The following LTBP1 variants were observed in gnomAD, a reference collection of about 807,000 sequenced individuals.
LTBP1 encodes latent-transforming growth factor beta-binding protein 1.
Under a neutral mutation model 207.6 loss-of-function variants are expected in LTBP1, and 129 were observed. The ratio of observed to expected loss-of-function variants is 0.62; its 90% CI spans 0.54 to 0.72. The LOEUF is 0.72. LTBP1 is among the 30% of genes least tolerant of loss of function. The probability of loss-of-function intolerance (pLI) is 0.00; values close to 1 mark genes in which losing one functional copy is unlikely to be tolerated. For synonymous variants in LTBP1, 963 were observed against 833.7 expected (o/e 1.16, Z -2.67); for missense variants, 2,281 against 2,217.2 (o/e 1.03, Z -0.58).
chr2:33,101,247 CA>C (rs1225776336), intron 3 of LTBP1, among the ~76,000 whole-genome samples: 2 of 151,764 alleles, frequency 1.3e-5, no homozygotes, highest in African/African-American at 2.4e-5. Flanking sequence ...CAAATAACTT[CA>C]AAAAAAATTT....
chr2:33,178,488 T>G (rs57408328), intron 5 of LTBP1, among the ~76,000 whole-genome samples: 12,134 of 152,190 alleles, frequency 0.08, 1,053 homozygotes, highest in African/African-American at 0.22. Flanking sequence ...ACAGAACATG[T>G]TATTGAAGCA....
intron 7 of LTBP1, among the ~76,000 whole-genome samples, chr2:33,210,940 C>G (rs1187731500): frequency 6.6e-6 from 1 of 152,176 alleles, no homozygotes; most frequent in Non-Finnish European, 1.5e-5. Context: ...CATGTTTTCC[C>G]TCAGTGCAGT....
intron 20 of LTBP1, among the ~76,000 whole-genome samples, chr2:33,295,197 TTTTA>T (rs760605954): frequency 4.1e-4 from 62 of 152,262 alleles, no homozygotes; most frequent in South Asian, 6.2e-4. Flanking sequence ...TTATCCGGCT[TTTTA>T]TTTGTTTAAT....
rs116779672 is a variant in LTBP1 at position 32,954,559 on chromosome 2, C to A, written c.565+5614C>A. Among the ~76,000 whole-genome samples, 1,044 of 145,938 alleles carry A rather than the reference C, an allele frequency of 7.2e-3. 14 individuals carry two copies. The highest frequency in any genetic ancestry group is 0.024 in the African/African-American group (954 of 39,802). ...GGCCTCCACTCCCCGCCCCCCCCCA[C>A]CAATGATCCCATTTTACCTTGATTA... is the stretch of plus-strand genomic sequence containing the variant. On this transcript the variant is annotated intron_variant, in intron 2 of 33. Coordinates refer to ENST00000404816, the MANE Select transcript of LTBP1 (RefSeq NM_206943.4).
chr2:33,388,682 T>C (rs778443551), intron 31 of LTBP1, among the ~76,000 whole-genome samples: 1 of 152,218 alleles, frequency 6.6e-6, no homozygotes, highest in Non-Finnish European at 1.5e-5. Context: ...TGTAGAGTTA[T>C]AATCGTGACT....
intron 5 of LTBP1, among the ~76,000 whole-genome samples, chr2:33,180,312 A>C (rs914900416): frequency 4.6e-5 from 7 of 152,180 alleles, no homozygotes; most frequent in Non-Finnish European, 2.9e-5. Flanking sequence ...CATGTGTAGG[A>C]CTAGGCCTTC....
Position 33,001,875 on chromosome 2 carries a change from G to A in LTBP1, c.566-19034G>A, listed in dbSNP as rs1686096212. Among the ~76,000 whole-genome samples the A allele has an allele frequency of 1.5e-5, 2 of 135,066 alleles. 1 individual carries two copies. Among genetic ancestry groups the A allele is most frequent in the South Asian group, 5.2e-4 (2 of 3,864 alleles). 88.6% of individuals were successfully genotyped at this position (135,066 alleles called of 152,430 possible). A position where few individuals can be genotyped will look rare whatever the true frequency, so the allele number is the denominator to read the frequency against. ...TTGTCTTCCCTGAAACAAATAGTAAGAGGAGAAAGTGTCCTGTTGTAGAAA... is the reference window on the plus strand; with the variant it reads ...TTGTCTTCCCTGAAACAAATAGTAAAAGGAGAAAGTGTCCTGTTGTAGAAA... On this transcript the variant is annotated intron_variant, in intron 2 of 33. Coordinates refer to ENST00000404816, the MANE Select transcript of LTBP1 (RefSeq NM_206943.4).
At chr2:33,041,164 C>T (rs775531064) in intron 3 of LTBP1, among the ~76,000 whole-genome samples, 5 of 152,234 alleles carry the variant, frequency 3.3e-5, no homozygotes, top group Non-Finnish European at 5.9e-5. Context: ...ACATAGCCCA[C>T]CGAGTAGAGT....
chr2:33,179,486 G>A (rs1441454233), intron 5 of LTBP1, among the ~76,000 whole-genome samples: 1 of 151,748 alleles, frequency 6.6e-6, no homozygotes, highest in Admixed American at 6.6e-5. Flanking sequence ...GCTCACTGAT[G>A]GGGAGTGTTG....
Position 33,212,623 on chromosome 2 carries a change from A to T in LTBP1, c.1702-4929A>T, listed in dbSNP as rs558362338. On this transcript the variant is annotated intron_variant, in intron 7 of 33. Transcript: ENST00000404816. ...ATGGTCAGCTCCTAGTGAAGTCAGC[A>T]TCTTCCACTGTTAAGGAGCATTAAC... is the stretch of plus-strand genomic sequence containing the variant. Among the ~76,000 whole-genome samples the T allele has an allele frequency of 1.7e-4, 26 of 152,328 alleles. 1 individual carries two copies. The South Asian group carries it at 5.0e-3, about 29-fold the overall frequency.
chr2:33,322,954 C>G (rs955576031), intron 24 of LTBP1, among the ~76,000 whole-genome samples: 1 of 152,032 alleles, frequency 6.6e-6, no homozygotes, highest in African/African-American at 2.4e-5. Flanking sequence ...TGTTCTTTGT[C>G]ACACTCCATT....
rs768552631 is a variant in LTBP1, at chr2:33,398,369, A to G, written c.4990A>G (p.Asn1664Asp). Residue 1664 changes from asparagine (N) to aspartate (D), a missense_variant, in exon 34 of 34, where the codon AAT becomes GAT. This residue lies in a region of LTBP1 where 1,671 missense variants were observed against 1,634.8 expected (regional missense o/e 1.02). Coordinates refer to ENST00000404816, the MANE Select transcript of LTBP1 (RefSeq NM_206943.4). ...CATGGCTTGACTTATTGCAGATGTA[A>G]ATGAATGCGATGAGTTGAACAACCG... is the stretch of plus-strand genomic sequence containing the variant. ...DTAKMTCVDV[N>D]ECDELNNRMS... is the part of the protein sequence containing the mutation. 5.1e-5 allele frequency: 83 copies of G among 1,613,368 alleles called. 3 individuals are homozygous for G. In the South Asian group the frequency reaches 9.0e-4, roughly 18 times the overall value.
rs112756374 is a variant in LTBP1 at position 33,209,534 on chromosome 2, A to G, written c.1702-8018A>G. ...ATGTTGTGCTTCTTAAGCAGAGTTA[A>G]AATGAAATCTATACAATGACATGCC... On this transcript the variant is annotated intron_variant, in intron 7 of 33. Transcript: ENST00000404816. Among the ~76,000 whole-genome samples the G allele has an allele frequency of 8.7e-3, 1,332 of 152,350 alleles. 19 individuals carry two copies. The highest frequency in any genetic ancestry group is 0.03 in the African/African-American group (1,250 of 41,584).
At chr2:33,138,386 G>A (rs1250695907) in intron 5 of LTBP1, among the ~76,000 whole-genome samples, 4 of 151,964 alleles carry the variant, frequency 2.6e-5, no homozygotes, top group Admixed American at 2.0e-4. Context: ...TTTTGATATG[G>A]TTTAACAGAA....
In LTBP1 at chr2:33,151,244, T is replaced by C. The variant is rs577396391; in HGVS notation, c.1201+16284T>C. On this transcript the variant is annotated intron_variant, in intron 5 of 33. Coordinates refer to ENST00000404816, the MANE Select transcript of LTBP1 (RefSeq NM_206943.4). Reference sequence around the variant, plus strand: ...TAAGTATCTGTTTGAGTTCCTGCTTTGAATTTTTTGGTGCATATACCTAGA... The same window carrying C: ...TAAGTATCTGTTTGAGTTCCTGCTTCGAATTTTTTGGTGCATATACCTAGA... Among the ~76,000 whole-genome samples, 38 of 152,308 alleles carry C rather than the reference T, an allele frequency of 2.5e-4. No individual in the cohort carries two copies. In the South Asian group the frequency reaches 7.9e-3, roughly 32 times the overall value.
chr2:33,240,775 T>C (rs2149726881), intron 9 of LTBP1, among the ~76,000 whole-genome samples: 1 of 150,606 alleles, frequency 6.6e-6, no homozygotes, highest in East Asian at 2.0e-4. Flanking sequence ...CTCAGCCTCC[T>C]GAGTAGCTGG....
chr2:33,176,229 T>TGTTG (rs35172385), intron 5 of LTBP1, among the ~76,000 whole-genome samples: 1 of 36,570 alleles, frequency 2.7e-5, no homozygotes, highest in Non-Finnish European at 6.4e-5. Flanking sequence ...TTAATTAATC[T>TGTTG]ATTTATTTAT....
chr2:33,206,227 A>G (rs2089859675), intron 7 of LTBP1, among the ~76,000 whole-genome samples: 1 of 152,136 alleles, frequency 6.6e-6, no homozygotes, highest in Admixed American at 6.5e-5. Context: ...TGTGGCTTTC[A>G]GTTTTTCTAC....
intron 24 of LTBP1, among the ~76,000 whole-genome samples, chr2:33,329,729 A>C (rs78400812): frequency 0.029 from 4,473 of 152,140 alleles, 83 homozygotes; most frequent in Non-Finnish European, 0.047. Context: ...TATTCATATT[A>C]TTTAATAGGT....
Sources: gnomAD v4.1 joint callset for allele counts (sites outside exome capture counted in the v4.1 genomes callset) on GRCh38, gnomAD v4.1.1 for gene constraint, gnomAD v4.1.1 regional missense constraint, MANE v1.5 for transcripts, NCBI Gene and HGNC (gene_info 2026-07-23, HGNC 2026-07-21) for gene names.